The following EPM2A variants were observed in gnomAD, a reference collection of about 807,000 sequenced individuals.
The protein encoded by EPM2A is EPM2A glucan phosphatase, laforin.
In EPM2A, 21 loss-of-function variants were observed where a neutral mutation model predicts 26.5. That is an observed-to-expected ratio of 0.79 (90% CI 0.56 to 1.14). EPM2A has a LOEUF of 1.14. Among genes scored for constraint, EPM2A ranks in the 50% most tolerant of loss-of-function variants. The pLI is 0.00. For missense variants in EPM2A, 458 were observed against 440.8 expected, an observed-to-expected ratio of 1.04 and a Z score of -0.35; for synonymous variants, 217 against 177.6, an observed-to-expected ratio of 1.22 and a Z score of -1.76.
intron 4 of EPM2A, among the ~76,000 whole-genome samples, chr6:145,438,916 G>GT (rs34208598): frequency 0.79 from 120,660 of 151,960 alleles, 48,043 homozygotes; most frequent in East Asian, 0.91. Context: ...GTACCCAATA[G>GT]TTTTTTTCTT....
At chr6:145,513,547 A>G (rs891690945) in intron 2 of EPM2A, among the ~76,000 whole-genome samples, 23 of 152,356 alleles carry the variant, frequency 1.5e-4, no homozygotes, top group African/African-American at 5.5e-4. Flanking sequence ...ACTACTAAGT[A>G]TCTTCCCAGT....
At position 145,444,402 on chromosome 6, in the gene EPM2A, C is replaced by G. The variant is rs182672245; in HGVS notation, c.555+58120G>C. Among the ~76,000 whole-genome samples the G allele has an allele frequency of 7.9e-5, 12 of 152,300 alleles. No individual in the cohort carries two copies. The East Asian group carries it at 2.1e-3, about 27-fold the overall frequency. ...TGTCTATGTGATGAATCACATTTAT[C>G]TATTTGCATAGGTCGAACCAACCTT... On this transcript the variant is annotated intron_variant, in intron 4 of 4. Transcript: ENST00000638717.
In EPM2A at chr6:145,509,112, C is replaced by T. The variant is rs575578455; in HGVS notation, c.341-6537G>A. On this transcript the variant is annotated intron_variant, in intron 2 of 3. Transcript: ENST00000450221. ...TTATGTAAAGCAATGAAACCTATGACTTGTTGGCATTCCTGAGAGAGAGAA... is the reference window on the plus strand; with the variant it reads ...TTATGTAAAGCAATGAAACCTATGATTTGTTGGCATTCCTGAGAGAGAGAA... Among the ~76,000 whole-genome samples the T allele has an allele frequency of 7.2e-5, 11 of 152,194 alleles. No homozygotes were observed. The South Asian group carries it at 1.0e-3, about 14-fold the overall frequency.
At chr6:145,572,975 C>T (rs545243972) in intron 2 of EPM2A, among the ~76,000 whole-genome samples, 3 of 152,360 alleles carry the variant, frequency 2.0e-5, no homozygotes, top group Non-Finnish European at 4.4e-5. Flanking sequence ...AATACAGCAA[C>T]TTATCCTTCA....
chr6:145,651,026 A>G (rs1777845886), intron 2 of EPM2A, among the ~76,000 whole-genome samples: 1 of 152,196 alleles, frequency 6.6e-6, no homozygotes, highest in Non-Finnish European at 1.5e-5. Flanking sequence ...ATGGATAGCA[A>G]CCCTGATGAA....
intron 2 of EPM2A, among the ~76,000 whole-genome samples, chr6:145,596,353 C>A (rs1781343253): frequency 6.6e-6 from 1 of 152,086 alleles, no homozygotes; most frequent in Admixed American, 6.6e-5. Flanking sequence ...TTGGAGAGTT[C>A]CCTCCAGATC....
downstream of EPM2A, among the ~76,000 whole-genome samples, chr6:145,497,787 G>C (rs1779840095): frequency 6.6e-6 from 1 of 152,254 alleles, no homozygotes; most frequent in South Asian, 2.1e-4. Context: ...AGGGGGAATA[G>C]ATCAGAGACC....
chr6:145,459,250 A>C (rs997813654), intron 4 of EPM2A, among the ~76,000 whole-genome samples: 2 of 152,186 alleles, frequency 1.3e-5, no homozygotes, highest in African/African-American at 4.8e-5. Context: ...ATTCTTGTTA[A>C]AGGCAAGCCA....
chr6:145,654,783 A>G (rs1254980154), intron 2 of EPM2A, among the ~76,000 whole-genome samples: 1 of 152,110 alleles, frequency 6.6e-6, no homozygotes, highest in African/African-American at 2.4e-5. Flanking sequence ...CACAAAATCT[A>G]TTTCCGTTTA....
At chr6:145,498,302 G>A, downstream of EPM2A, among the ~76,000 whole-genome samples, 1 of 152,172 alleles carries the variant, frequency 6.6e-6, no homozygotes, top group East Asian at 1.9e-4. Context: ...CATGGAAGTG[G>A]GGCCCTCAGA....
chr6:145,390,889 T>A lies in EPM2A; in HGVS notation c.556-6792A>T, dbSNP rs370187211. Among the ~76,000 whole-genome samples the A allele has an allele frequency of 2.6e-5, 4 of 152,134 alleles. No homozygotes were observed. In the East Asian group the frequency reaches 7.7e-4, roughly 29 times the overall value. On this transcript the variant is annotated intron_variant, in intron 4 of 4. Coordinates refer to the EPM2A transcript ENST00000638717. ...CCTTCTTTCCATCTCAATATGCAATTCCTAGGAAAGAGATTCGTTCAACCT... is the reference window on the plus strand; with the variant it reads ...CCTTCTTTCCATCTCAATATGCAATACCTAGGAAAGAGATTCGTTCAACCT...
chr6:145,436,327 C>T (rs569616178), intron 4 of EPM2A, among the ~76,000 whole-genome samples: 2 of 152,246 alleles, frequency 1.3e-5, no homozygotes, highest in East Asian at 1.9e-4. Flanking sequence ...TTTGTGTGAA[C>T]GTATCTTTTC....
At chr6:145,590,801 C>T (rs1204119134) in intron 2 of EPM2A, among the ~76,000 whole-genome samples, 1 of 152,118 alleles carries the variant, frequency 6.6e-6, no homozygotes, top group Non-Finnish European at 1.5e-5. Context: ...TTACCCAATA[C>T]ATCATGCTCA....
intron 2 of EPM2A, among the ~76,000 whole-genome samples, chr6:145,645,646 G>C (rs1777406908): frequency 6.6e-6 from 1 of 151,886 alleles, no homozygotes; most frequent in Admixed American, 6.6e-5. Context: ...TATCACCCAG[G>C]CTGGAATGCA....
Position 145,390,587 on chromosome 6 carries a change from T to TCTCTCTCTCTC in EPM2A, c.556-6491_556-6490insGAGAGAGAGAG, listed in dbSNP as rs1562317071. 4.3e-5 allele frequency among the ~76,000 whole-genome samples: 4 copies of TCTCTCTCTCTC among 92,354 alleles called. No individual in the cohort carries two copies. In the East Asian group the frequency reaches 8.0e-4, roughly 18 times the overall value. 60.6% of individuals were successfully genotyped at this position (92,354 alleles called of 152,430 possible). A position where few individuals can be genotyped will look rare whatever the true frequency, so the allele number is the denominator to read the frequency against. ...ATTCTCTCTCTCTCTCTCTCTCTCTTTCTTTCTCTCGCTCCCGCTCATACT... is the reference window on the plus strand; with the variant it reads ...ATTCTCTCTCTCTCTCTCTCTCTCTTCTCTCTCTCTCTCTTTCTCTCGCTCCCGCTCATACT... On this transcript the variant is annotated intron_variant, in intron 4 of 4. Coordinates refer to the EPM2A transcript ENST00000638717.
At chr6:145,524,661 G>T (rs184987194) in intron 2 of EPM2A, among the ~76,000 whole-genome samples, 2 of 151,832 alleles carry the variant, frequency 1.3e-5, no homozygotes, top group Non-Finnish European at 2.9e-5. Flanking sequence ...ATAGATTCTC[G>T]AAATGAGATC....
intron 2 of EPM2A, among the ~76,000 whole-genome samples, chr6:145,587,346 C>T (rs1040054720): frequency 1.3e-5 from 2 of 152,088 alleles, no homozygotes; most frequent in African/African-American, 4.8e-5. Flanking sequence ...GCAAATGGTT[C>T]AGAATATATG....
chr6:145,491,040 T>C, intron 4 of EPM2A: 1 of 891,960 alleles, frequency 1.1e-6, no homozygotes, highest in South Asian at 1.3e-5. Flanking sequence ...TTCAACAGGT[T>C]CTGATTCTGC....
At chr6:145,449,485 CTT>C (rs1562339060) in intron 4 of EPM2A, among the ~76,000 whole-genome samples, 1 of 152,152 alleles carries the variant, frequency 6.6e-6, no homozygotes, top group Non-Finnish European at 1.5e-5. Flanking sequence ...GTGGTAGCAT[CTT>C]TTACCCCGTT....
Sources: gnomAD v4.1 joint callset for allele counts (sites outside exome capture counted in the v4.1 genomes callset) on GRCh38, gnomAD v4.1.1 for gene constraint, MANE v1.5 for transcripts, NCBI Gene and HGNC (gene_info 2026-07-23, HGNC 2026-07-21) for gene names.